RNF216: variants seen among roughly 807,000 people sequenced by gnomAD.
The protein encoded by RNF216 is E3 ubiquitin-protein ligase RNF216.
RNF216 carries 72 observed loss-of-function variants against 110.8 expected under a neutral mutation model. That is an observed-to-expected ratio of 0.65 (90% CI 0.54 to 0.79). The LOEUF (loss-of-function observed/expected upper bound fraction) is 0.79, where lower values mean the gene tolerates loss of function less well. RNF216 is among the 30% of genes least tolerant of loss of function. RNF216 has a pLI of 0.00. For missense variants in RNF216, 1,342 were observed against 1,141.2 expected (o/e 1.18, Z -2.54); for synonymous variants, 495 against 407.5 (o/e 1.21, Z -2.59).
chr7:5,756,222 C>T (rs1178484219), intron 2 of RNF216, among the ~76,000 whole-genome samples: 1 of 152,128 alleles, frequency 6.6e-6, no homozygotes, highest in African/African-American at 2.4e-5. Flanking sequence ...CTTTGCCTTT[C>T]GCCATGACAG....
At chr7:5,779,585 A>T (rs1021216118) in intron 1 of RNF216, among the ~76,000 whole-genome samples, 6 of 151,132 alleles carry the variant, frequency 4.0e-5, no homozygotes, top group Non-Finnish European at 8.8e-5. Flanking sequence ...AAAGCCTGTA[A>T]TTCTTGTGCT....
At chr7:5,682,601 T>G (rs77907839) in intron 13 of RNF216, among the ~76,000 whole-genome samples, 1 of 152,058 alleles carries the variant, frequency 6.6e-6, no homozygotes, top group African/African-American at 2.4e-5. Context: ...GAGACAGGGT[T>G]TCAACATTTT....
At chr7:5,640,841 G>C (rs776935208) in intron 15 of RNF216, among the ~76,000 whole-genome samples, 1 of 152,170 alleles carries the variant, frequency 6.6e-6, no homozygotes, top group Non-Finnish European at 1.5e-5. Context: ...TGGAATCAGC[G>C]TTATGCTGGC....
At chr7:5,708,204 G>A (rs147087339) in intron 13 of RNF216, among the ~76,000 whole-genome samples, 1 of 152,326 alleles carries the variant, frequency 6.6e-6, no homozygotes, top group East Asian at 1.9e-4. Flanking sequence ...AGGAGAAAAA[G>A]TGTTTTCTGT....
chr7:5,693,842 G>A (rs993756749), intron 13 of RNF216, among the ~76,000 whole-genome samples: 2 of 152,170 alleles, frequency 1.3e-5, no homozygotes, highest in Non-Finnish European at 2.9e-5. Context: ...AGAGATGGAC[G>A]CGGGTAGAGA....
intron 3 of RNF216, 109 bp from the exon 4 acceptor site, chr7:5,741,924 T>A (rs1351826161): frequency 8.8e-7 from 1 of 1,135,082 alleles, no homozygotes; most frequent in Non-Finnish European, 1.2e-6. Context: ...AAAAACACCA[T>A]CTCCCTTAAC....
intron 9 of RNF216, among the ~76,000 whole-genome samples, chr7:5,719,892 T>C (rs1793307715): frequency 6.6e-6 from 1 of 152,256 alleles, no homozygotes; most frequent in Admixed American, 6.5e-5. Context: ...ACAAGCTTCA[T>C]ATCCTGGGAT....
At chr7:5,675,003 C>G (rs964072508) in intron 13 of RNF216, among the ~76,000 whole-genome samples, 1 of 151,838 alleles carries the variant, frequency 6.6e-6, no homozygotes, top group Non-Finnish European at 1.5e-5. Context: ...TCTCAAAAAA[C>G]AAACAAACAA....
At chr7:5,638,760 C>T (rs1787555330) in intron 15 of RNF216, among the ~76,000 whole-genome samples, 2 of 151,752 alleles carry the variant, frequency 1.3e-5, no homozygotes, top group South Asian at 4.2e-4. Flanking sequence ...GCCTCAGCCT[C>T]CCAAGTAGCT....
intron 13 of RNF216, among the ~76,000 whole-genome samples, chr7:5,692,116 C>T (rs1432461954): frequency 6.6e-6 from 1 of 152,202 alleles, no homozygotes; most frequent in Admixed American, 6.5e-5. Flanking sequence ...GCAAATCATG[C>T]CTGGAAAAGG....
At chr7:5,674,218 C>T (rs1790118443) in intron 13 of RNF216, among the ~76,000 whole-genome samples, 2 of 151,868 alleles carry the variant, frequency 1.3e-5, no homozygotes, top group African/African-American at 2.4e-5. Context: ...TTAGTAGAGA[C>T]GGGGTTTCAC....
chr7:5,781,331 G>A (rs1309222219), intron 1 of RNF216, among the ~76,000 whole-genome samples: 2 of 152,016 alleles, frequency 1.3e-5, no homozygotes, highest in Non-Finnish European at 2.9e-5. Flanking sequence ...TGTCGCTCCA[G>A]CCTCGCCACC....
intron 13 of RNF216, among the ~76,000 whole-genome samples, chr7:5,661,415 A>C (rs1789129576): frequency 6.6e-6 from 1 of 152,208 alleles, no homozygotes; most frequent in South Asian, 2.1e-4. Flanking sequence ...AGGACTGAAA[A>C]CTTACACATC....
rs370921000 is a variant in RNF216 at position 5,652,383 on chromosome 7, C to G, written c.2159+30G>C. On this transcript the variant is annotated intron_variant, in intron 14 of 16. Coordinates refer to ENST00000389902, the MANE Select transcript of RNF216 (RefSeq NM_207111.4). ...GGTTAATGGGGAAGTTGAGAATCAG[C>G]CCATAGCCCCTCTGAATTCTGTTAC... 6.1e-6 allele frequency: 9 copies of G among 1,483,204 alleles called. No individual in the cohort carries two copies. The Admixed American group carries it at 1.0e-4, about 17-fold the overall frequency. 91.9% of individuals were successfully genotyped at this position (1,483,204 alleles called of 1,614,324 possible).
intron 2 of RNF216, among the ~76,000 whole-genome samples, chr7:5,757,302 A>G (rs1303019211): frequency 6.6e-6 from 1 of 152,182 alleles, no homozygotes; most frequent in African/African-American, 2.4e-5. Flanking sequence ...TACAGGGATT[A>G]GCTTATCTTC....
intron 14 of RNF216, among the ~76,000 whole-genome samples, chr7:5,648,794 C>G (rs553208255): frequency 2.0e-5 from 3 of 151,300 alleles, no homozygotes; most frequent in East Asian, 1.9e-4. Context: ...AATGATACCA[C>G]GAGAAACCAG....
At chr7:5,757,789 T>C (rs1279901758) in intron 2 of RNF216, among the ~76,000 whole-genome samples, 4 of 152,180 alleles carry the variant, frequency 2.6e-5, no homozygotes, top group Non-Finnish European at 5.9e-5. Flanking sequence ...AAATGTTCCA[T>C]ATCATAATTC....
intron 11 of RNF216, among the ~76,000 whole-genome samples, chr7:5,714,468 G>C (rs928506447): frequency 3.3e-5 from 5 of 151,522 alleles, no homozygotes; most frequent in African/African-American, 1.2e-4. Flanking sequence ...ATGTTGGTCA[G>C]GCTGGTCTTG....
rs1788999354 is a variant in RNF216, at chr7:5,659,994, G to A, written c.2062-7484C>T. ...TTTAGAGACAAGGTCTTGCTCTGTT[G>A]CCCAGGCTGGAGTGCAGTGGTGCCA... On this transcript the variant is annotated intron_variant, in intron 13 of 16. Coordinates refer to ENST00000389902, the MANE Select transcript of RNF216 (RefSeq NM_207111.4). 2.2e-5 allele frequency among the ~76,000 whole-genome samples: 3 copies of A among 136,990 alleles called. No individual in the cohort carries two copies. In the South Asian group the frequency reaches 6.8e-4, roughly 31 times the overall value. The allele number at this position is 136,990 out of a possible 152,430, so 89.9% of individuals were successfully genotyped here.
Sources: allele counts gnomAD v4.1 joint callset (sites outside exome capture counted in the v4.1 genomes callset), GRCh38; gene constraint gnomAD v4.1.1; transcripts MANE v1.5; gene names NCBI Gene and HGNC (gene_info 2026-07-23, HGNC 2026-07-21).